Variants in KIRREL3 observed in about 807,000 individuals in gnomAD.
KIRREL3 encodes the protein kin of IRRE-like protein 3.
In KIRREL3, 36 loss-of-function variants were observed where a neutral mutation model predicts 89.7. The observed-to-expected ratio is 0.40, with a 90% confidence interval of 0.31 to 0.53. KIRREL3 has a LOEUF of 0.53. Ranked by LOEUF, KIRREL3 falls within the 20% of genes least tolerant of loss-of-function variation. The probability of loss-of-function intolerance (pLI) is 0.49; values close to 1 mark genes in which losing one functional copy is unlikely to be tolerated. For synonymous variants in KIRREL3, 445 were observed against 441.4 expected (o/e 1.01, Z -0.10); for missense variants, 864 against 1,056.6 (o/e 0.82, Z 2.53).
At chr11:126,806,374 A>G (rs1951203964) in intron 1 of KIRREL3, among the ~76,000 whole-genome samples, 1 of 152,160 alleles carries the variant, frequency 6.6e-6, no homozygotes, top group South Asian at 2.1e-4. Flanking sequence ...ATCTTCTCCT[A>G]CAGATCTCTA....
chr11:126,602,644 C>A (rs1942712078), intron 1 of KIRREL3, among the ~76,000 whole-genome samples: 1 of 152,172 alleles, frequency 6.6e-6, no homozygotes, highest in African/African-American at 2.4e-5. Flanking sequence ...CACAGAAAGG[C>A]AGGCATGTGG....
Position 126,948,128 on chromosome 11 carries a change from A to C in KIRREL3, c.55+52327T>G, listed in dbSNP as rs1269403838. 6.6e-6 allele frequency among the ~76,000 whole-genome samples: 1 copy of C among 152,220 alleles called. No homozygotes were observed. The highest frequency in any genetic ancestry group is 2.4e-5 in the African/African-American group (1 of 41,456). On this transcript the variant is annotated intron_variant, in intron 1 of 16. Coordinates refer to ENST00000525144, the MANE Select transcript of KIRREL3 (RefSeq NM_032531.4). The surrounding 1 kb of genome is among the most constrained non-coding windows in gnomAD (Gnocchi z 4.5). The stretch of plus-strand genomic sequence containing the variant: ...CTACCGTGTAATTGATTTTCTATCC[A>C]TTGCCTAGTGGTTAACCCTCAATAA...
intron 1 of KIRREL3, among the ~76,000 whole-genome samples, chr11:126,625,459 C>T (rs1034719311): frequency 1.3e-5 from 2 of 152,188 alleles, no homozygotes; most frequent in Admixed American, 6.5e-5. Flanking sequence ...GCAGACTGCC[C>T]AATCTTTCCT....
At chr11:126,425,064 C>T in intron 16 of KIRREL3, 41 bp from the exon 17 acceptor site, 2 of 1,461,654 alleles carry the variant, frequency 1.4e-6, no homozygotes, top group Non-Finnish European at 1.8e-6. Context: ...CTGGTGGAGT[C>T]TCCACTGAGC....
chr11:126,773,316 A>G lies in KIRREL3; in HGVS notation c.56-210404T>C, dbSNP rs1459044181. On this transcript the variant is annotated intron_variant, in intron 1 of 16. Coordinates refer to ENST00000525144, the MANE Select transcript of KIRREL3 (RefSeq NM_032531.4). The surrounding 1 kb of genome is among the most constrained non-coding windows in gnomAD (Gnocchi z 4.2). ...TGGGTCGGCTTTGTCCCATCAGTTCAGGGCCAGAGTAGAACAAAAGGCTGG... is the reference window on the plus strand; with the variant it reads ...TGGGTCGGCTTTGTCCCATCAGTTCGGGGCCAGAGTAGAACAAAAGGCTGG... Among the ~76,000 whole-genome samples the G allele has an allele frequency of 6.6e-6, 1 of 152,178 alleles. No individual in the cohort carries two copies. The highest frequency in any genetic ancestry group is 2.4e-5 in the African/African-American group (1 of 41,432).
chr11:126,688,342 C>G (rs1946746450), intron 1 of KIRREL3, among the ~76,000 whole-genome samples: 1 of 152,198 alleles, frequency 6.6e-6, no homozygotes, highest in South Asian at 2.1e-4. Context: ...AGACATGCCT[C>G]TGTGGACATG....
At chr11:126,971,363 C>A (rs1188048651) in intron 1 of KIRREL3, among the ~76,000 whole-genome samples, 1 of 152,090 alleles carries the variant, frequency 6.6e-6, no homozygotes. Context: ...GTAATCATTA[C>A]AAATTGCTTG....
rs1956588157 is a variant in KIRREL3, at chr11:126,462,745, G to C, written c.742+412C>G. Among the ~76,000 whole-genome samples, 1 of 152,186 alleles carries C rather than the reference G, an allele frequency of 6.6e-6. No homozygotes were observed. Among genetic ancestry groups the C allele is most frequent in the Non-Finnish European group, 1.5e-5 (1 of 68,026 alleles). ...GTCCCCTTGATCAACCCTTCCATGAGAGTGGCTGGTGCACCCTCTCCAGAG... is the reference window on the plus strand; with the variant it reads ...GTCCCCTTGATCAACCCTTCCATGACAGTGGCTGGTGCACCCTCTCCAGAG... On this transcript the variant is annotated intron_variant, in intron 6 of 16. Transcript: ENST00000525144. This position sits in a 1 kb window ranked among gnomAD's most constrained non-coding sequence, Gnocchi z 4.8.
intron 4 of KIRREL3, among the ~76,000 whole-genome samples, chr11:126,480,706 T>C (rs2134307337): frequency 6.6e-6 from 1 of 152,258 alleles, no homozygotes; most frequent in South Asian, 2.1e-4. Context: ...GGTACTCTCC[T>C]CCCTTCCCTC....
In KIRREL3 at chr11:126,435,264, G is replaced by A. The variant is rs370486618; in HGVS notation, c.1588+4C>T. 76 of 1,613,504 alleles carry A rather than the reference G, an allele frequency of 4.7e-5. No individual in the cohort carries two copies. In the African/African-American group the frequency reaches 7.3e-4, roughly 16 times the overall value. On this transcript the variant is annotated splice_donor_region_variant and intron_variant, in intron 13 of 16. Transcript: ENST00000525144. Reference sequence around the variant, plus strand: ...AGGGCCATTCTCATCATCTCCTTCCGTACCTGCTTCCAGCCCGGCTCCCGA... The same window carrying A: ...AGGGCCATTCTCATCATCTCCTTCCATACCTGCTTCCAGCCCGGCTCCCGA...
Position 126,765,112 on chromosome 11 carries a change from C to A in KIRREL3, c.56-202200G>T, listed in dbSNP as rs369976590. Among the ~76,000 whole-genome samples, 126 of 152,292 alleles carry A rather than the reference C, an allele frequency of 8.3e-4. 1 individual carries two copies. In the South Asian group the frequency reaches 0.025, roughly 30 times the overall value. On this transcript the variant is annotated intron_variant, in intron 1 of 16. Transcript: ENST00000525144. ...GAGAGTAACAAAGAGTTTCTGGAATCTTCAAGCCATCTATGGTTGCAGAAT... is the reference window on the plus strand; with the variant it reads ...GAGAGTAACAAAGAGTTTCTGGAATATTCAAGCCATCTATGGTTGCAGAAT...
In KIRREL3 at chr11:126,484,578, G is replaced by A. The variant is rs1957300607; in HGVS notation, c.434-11112C>T. 6.6e-6 allele frequency among the ~76,000 whole-genome samples: 1 copy of A among 152,164 alleles called. No individual in the cohort carries two copies. The highest frequency in any genetic ancestry group is 2.4e-5 in the African/African-American group (1 of 41,438). ...GGGTTTCCAGACTTAACAAATCAAA[G>A]AACAGTAGGCCCTGTTAAATGTAAA... On this transcript the variant is annotated intron_variant, in intron 4 of 16. Transcript: ENST00000525144. This position sits in a 1 kb window ranked among gnomAD's most constrained non-coding sequence, Gnocchi z 5.2.
chr11:126,465,564 C>T (rs1591585580), intron 5 of KIRREL3, among the ~76,000 whole-genome samples: 2 of 152,182 alleles, frequency 1.3e-5, no homozygotes, highest in South Asian at 2.1e-4. Context: ...AACCTCGTGG[C>T]GTCAGGAGAA....
At chr11:126,695,455 T>C (rs1272796791) in intron 1 of KIRREL3, among the ~76,000 whole-genome samples, 1 of 149,306 alleles carries the variant, frequency 6.7e-6, no homozygotes, top group Non-Finnish European at 1.5e-5. Context: ...ACGTGGCATC[T>C]GAGCTCCATG....
At chr11:126,758,448 A>G (rs1949572802) in intron 1 of KIRREL3, among the ~76,000 whole-genome samples, 1 of 152,232 alleles carries the variant, frequency 6.6e-6, no homozygotes, top group Non-Finnish European at 1.5e-5. Context: ...GCCCTCGTTA[A>G]TTCCAATCTG....
chr11:126,794,194 ATATT>A (rs1293463045), intron 1 of KIRREL3, among the ~76,000 whole-genome samples: 1 of 152,268 alleles, frequency 6.6e-6, no homozygotes, highest in Non-Finnish European at 1.5e-5. Context: ...TTAAAATAAA[ATATT>A]AAGTGTCAAA....
chr11:126,969,571 C>T lies in KIRREL3; in HGVS notation c.55+30884G>A, dbSNP rs1949373390. On this transcript the variant is annotated intron_variant, in intron 1 of 16. Coordinates refer to ENST00000525144, the MANE Select transcript of KIRREL3 (RefSeq NM_032531.4). This position sits in a 1 kb window ranked among gnomAD's most constrained non-coding sequence, Gnocchi z 4.9. The stretch of plus-strand genomic sequence containing the variant: ...GTGTGTTCAGAGCCAGCCAAGCAAT[C>T]CCACAGGAGAACACAAGAAATATCC... Among the ~76,000 whole-genome samples the T allele has an allele frequency of 6.6e-6, 1 of 152,070 alleles. No individual in the cohort carries two copies.
chr11:126,858,203 C>A (rs558382131), intron 1 of KIRREL3, among the ~76,000 whole-genome samples: 1 of 152,294 alleles, frequency 6.6e-6, no homozygotes, highest in East Asian at 1.9e-4. Flanking sequence ...TCCAGGGGAG[C>A]TTTTCTCTCA....
At chr11:126,681,283 T>C (rs1946441460) in intron 1 of KIRREL3, among the ~76,000 whole-genome samples, 1 of 152,212 alleles carries the variant, frequency 6.6e-6, no homozygotes, top group African/African-American at 2.4e-5. Context: ...CTTCCCTTCA[T>C]ACCTCCAGGT....
Sources: allele counts gnomAD v4.1 joint callset (sites outside exome capture counted in the v4.1 genomes callset), GRCh38; gene constraint gnomAD v4.1.1; non-coding constraint Gnocchi (gnomAD v3.1); transcripts MANE v1.5; gene names NCBI Gene and HGNC (gene_info 2026-07-23, HGNC 2026-07-21).